The following SLC8A1 variants were observed in gnomAD, a reference collection of about 807,000 sequenced individuals.
SLC8A1 encodes sodium/calcium exchanger 1.
SLC8A1 carries 18 observed loss-of-function variants against 68.3 expected under a neutral mutation model. The ratio of observed to expected loss-of-function variants is 0.26; its 90% CI spans 0.18 to 0.39. SLC8A1 has a LOEUF of 0.39. SLC8A1 is among the 10% of genes least tolerant of loss of function. The pLI, the probability that SLC8A1 is intolerant of heterozygous loss-of-function variation, is 1.00. For missense variants in SLC8A1, 985 were observed against 1,156.7 expected (o/e 0.85, Z 2.15); for synonymous variants, 475 against 415.5 (o/e 1.14, Z -1.74).
intron 1 of SLC8A1, among the ~76,000 whole-genome samples, chr2:40,459,740 T>G (rs895632185): frequency 6.6e-6 from 1 of 152,138 alleles, no homozygotes; most frequent in Non-Finnish European, 1.5e-5. Context: ...TGGGCAGTGT[T>G]GGGGGAGGCC....
chr2:40,490,977 A>C (rs1261165062), intron 1 of SLC8A1, among the ~76,000 whole-genome samples: 2 of 152,280 alleles, frequency 1.3e-5, no homozygotes, highest in East Asian at 1.9e-4. Flanking sequence ...GCCATTCACT[A>C]TACCTTCTAT....
chr2:40,451,779 AC>A (rs1440996761), intron 1 of SLC8A1, 124 bp downstream of exon 1: 18 of 153,400 alleles, frequency 1.2e-4, no homozygotes, highest in African/African-American at 4.6e-4. Context: ...ACACACACAC[AC>A]ACACAAATTT....
chr2:40,348,439 G>A (rs1670017547), intron 2 of SLC8A1, among the ~76,000 whole-genome samples: 1 of 152,164 alleles, frequency 6.6e-6, no homozygotes. Flanking sequence ...CATTTTAAAT[G>A]CCAAACCCAT....
At chr2:40,394,029 G>C (rs1379275847) in intron 2 of SLC8A1, among the ~76,000 whole-genome samples, 1 of 152,042 alleles carries the variant, frequency 6.6e-6, no homozygotes, top group African/African-American at 2.4e-5. Context: ...AGTTTTGCTT[G>C]TGGCAGTCTG....
At chr2:40,316,449 G>C (rs761804276) in intron 2 of SLC8A1, among the ~76,000 whole-genome samples, 1 of 151,846 alleles carries the variant, frequency 6.6e-6, no homozygotes, top group Non-Finnish European at 1.5e-5. Flanking sequence ...CACAAAATTT[G>C]GTTAAATATT....
intron 2 of SLC8A1, among the ~76,000 whole-genome samples, chr2:40,246,920 TACTCTA>T (rs1250296374): frequency 1.4e-5 from 2 of 147,112 alleles, no homozygotes; most frequent in Non-Finnish European, 3.0e-5. Context: ...GCAAAGTTTG[TACTCTA>T]ACATATTTCT....
intron 7 of SLC8A1, among the ~76,000 whole-genome samples, chr2:40,138,671 T>G (rs1416579163): frequency 6.6e-6 from 1 of 152,188 alleles, no homozygotes; most frequent in Non-Finnish European, 1.5e-5. Flanking sequence ...GGATTTGTAT[T>G]TCTTAACAAG....
At chr2:40,416,337 C>T (rs1000659984) in intron 2 of SLC8A1, among the ~76,000 whole-genome samples, 2 of 152,058 alleles carry the variant, frequency 1.3e-5, no homozygotes, top group African/African-American at 4.8e-5. Flanking sequence ...TCTACAAGTT[C>T]ATAACTTATC....
exon 8 of SLC8A1, chr2:40,107,279 C>CAAAAAAAAAAAAAAAAGAAA (rs571403529): frequency 5.7e-4 from 37 of 64,902 alleles, no homozygotes; most frequent in Non-Finnish European, 8.2e-4. Flanking sequence ...GACTCCGTCT[C>CAAAAAAAAAAAAAAAAGAAA]AAAAAAAAAA....
chr2:40,339,024 T>C (rs1049946886), intron 2 of SLC8A1, among the ~76,000 whole-genome samples: 5 of 152,206 alleles, frequency 3.3e-5, no homozygotes, highest in African/African-American at 1.2e-4. Context: ...CTCTGTGCTA[T>C]TGTGTCAATA....
chr2:40,487,660 C>A (rs748624464), intron 1 of SLC8A1, among the ~76,000 whole-genome samples: 10 of 152,134 alleles, frequency 6.6e-5, no homozygotes, highest in Non-Finnish European at 5.9e-5. Flanking sequence ...CAAGATACTT[C>A]CTTAAGAATA....
chr2:40,268,804 GA>G (rs1446713263), intron 2 of SLC8A1, among the ~76,000 whole-genome samples: 4 of 151,902 alleles, frequency 2.6e-5, no homozygotes, highest in African/African-American at 4.8e-5. Context: ...AACACTTAAG[GA>G]AAAAAAGTTC....
intron 2 of SLC8A1, among the ~76,000 whole-genome samples, chr2:40,393,378 T>A (rs1414644579): frequency 1.3e-5 from 2 of 152,122 alleles, no homozygotes; most frequent in African/African-American, 2.4e-5. Context: ...TCTGGTAGTA[T>A]AATACAATGA....
At chr2:40,231,843 A>C (rs1390611263) in intron 2 of SLC8A1, among the ~76,000 whole-genome samples, 1 of 152,118 alleles carries the variant, frequency 6.6e-6, no homozygotes, top group Non-Finnish European at 1.5e-5. Flanking sequence ...TTATTTCAGC[A>C]TTCTCATTTG....
intron 2 of SLC8A1, among the ~76,000 whole-genome samples, chr2:40,216,882 T>C (rs755401532): frequency 6.6e-6 from 1 of 152,232 alleles, no homozygotes; most frequent in Non-Finnish European, 1.5e-5. Context: ...ACAATCTTTG[T>C]AGATTCTGGA....
At chr2:40,374,452 A>T (rs75329128) in intron 2 of SLC8A1, among the ~76,000 whole-genome samples, 4,063 of 152,160 alleles carry the variant, frequency 0.027, 79 homozygotes, top group Non-Finnish European at 0.039. Context: ...ACTTAAGGCT[A>T]TTCAGGTGTG....
At chr2:40,218,605 A>G (rs937725622) in intron 2 of SLC8A1, among the ~76,000 whole-genome samples, 17 of 152,176 alleles carry the variant, frequency 1.1e-4, no homozygotes, top group Non-Finnish European at 2.5e-4. Context: ...TTTTCTGTAT[A>G]TAAAGCAAAG....
intron 2 of SLC8A1, among the ~76,000 whole-genome samples, chr2:40,208,779 A>G (rs1471845827): frequency 6.6e-6 from 1 of 152,112 alleles, no homozygotes; most frequent in African/African-American, 2.4e-5. Context: ...GAGGGCAATT[A>G]GTGTCCTTTT....
intron 1 of SLC8A1, among the ~76,000 whole-genome samples, chr2:40,502,205 A>G (rs1456771081): frequency 6.6e-6 from 1 of 152,062 alleles, no homozygotes; most frequent in Non-Finnish European, 1.5e-5. Context: ...AAAAATTTGT[A>G]CTCATTGCTA....
Sources: gnomAD v4.1 joint callset for allele counts (sites outside exome capture counted in the v4.1 genomes callset) on GRCh38, gnomAD v4.1.1 for gene constraint, MANE v1.5 for transcripts, NCBI Gene and HGNC (gene_info 2026-07-23, HGNC 2026-07-21) for gene names.